The following NTN1 variants were observed in gnomAD, a reference collection of about 807,000 sequenced individuals.
NTN1 encodes the protein netrin 1, also known as netrin-1.
Under a neutral mutation model 54.2 loss-of-function variants are expected in NTN1, and 11 were observed. That is an observed-to-expected ratio of 0.20 (90% CI 0.13 to 0.34). The LOEUF is 0.34. Ranked by LOEUF, NTN1 falls within the 10% of genes least tolerant of loss-of-function variation. The pLI is 1.00. For missense variants in NTN1, 740 were observed against 893.1 expected (o/e 0.83, Z 2.18); for synonymous variants, 371 against 382.0 (o/e 0.97, Z 0.33).
At chr17:9,100,372 A>G (rs138257847) in intron 2 of NTN1, among the ~76,000 whole-genome samples, 1,658 of 152,008 alleles carry the variant, frequency 0.011, 32 homozygotes, top group African/African-American at 0.038. Context: ...ATCTCGGCTC[A>G]CTCCAAGCTC....
chr17:9,042,976 T>C (rs2091927473), intron 2 of NTN1, among the ~76,000 whole-genome samples: 1 of 152,234 alleles, frequency 6.6e-6, no homozygotes, highest in Non-Finnish European at 1.5e-5. Flanking sequence ...CTGAGCCCTG[T>C]GTCATTTTTG....
In NTN1 at chr17:9,061,673, T is replaced by TTTG. The variant is rs970860517; in HGVS notation, c.1018+38297_1018+38299dup. 8.1e-4 allele frequency among the ~76,000 whole-genome samples: 123 copies of TTTG among 151,780 alleles called. 1 individual carries two copies. Among genetic ancestry groups the TTTG allele is most frequent in the East Asian group, 3.9e-4 (2 of 5,190 alleles). On this transcript the variant is annotated intron_variant, in intron 2 of 6. Coordinates refer to ENST00000173229, the MANE Select transcript of NTN1 (RefSeq NM_004822.3). ...GCGATGGGCATCCAGGAGCAGTTTTTTTGTTGTTGTTGTTGTTTTTGTTTT... is the reference window on the plus strand; with the variant it reads ...GCGATGGGCATCCAGGAGCAGTTTTTTTGTTGTTGTTGTTGTTGTTTTTGTTTT...
rs368524445 is a variant in NTN1 at position 9,211,744 on chromosome 17, ATTC to A, written c.1412-9421_1412-9419del. ...CCAGTTTGCTAGGCAGAAGCGCTAT[ATTC>A]TTGTTGGTTTATGTTTTGTTTCTTT... On this transcript the variant is annotated intron_variant, in intron 5 of 6. Coordinates refer to ENST00000173229, the MANE Select transcript of NTN1 (RefSeq NM_004822.3). The surrounding 1 kb of genome is among the most constrained non-coding windows in gnomAD (Gnocchi z 4.4). Among the ~76,000 whole-genome samples the A allele has an allele frequency of 5.4e-3, 819 of 152,162 alleles. 8 individuals are homozygous for A. Among genetic ancestry groups the A allele is most frequent in the Middle Eastern group, 0.031 (9 of 294 alleles).
At chr17:9,186,246 G>C (rs946216382) in intron 5 of NTN1, among the ~76,000 whole-genome samples, 1 of 152,256 alleles carries the variant, frequency 6.6e-6, no homozygotes, top group Non-Finnish European at 1.5e-5. Flanking sequence ...GTGAAGTTGG[G>C]AGAGGTGCAT....
rs761317205 is a variant in NTN1, at chr17:9,243,655, A to G, written c.*3687A>G. 9 of 152,116 alleles carry G rather than the reference A, an allele frequency of 5.9e-5. No homozygotes were observed. Among genetic ancestry groups the G allele is most frequent in the Non-Finnish European group, 8.8e-5 (6 of 67,996 alleles). 9.4% of individuals were successfully genotyped at this position (152,116 alleles called of 1,614,324 possible). ...AAGCCAAACCAGTCCCACTCCTGTCATTGGACGTTTCTTCCCATTCCCTCC... is the reference window on the plus strand; with the variant it reads ...AAGCCAAACCAGTCCCACTCCTGTCGTTGGACGTTTCTTCCCATTCCCTCC... On this transcript the variant is annotated 3_prime_UTR_variant, in exon 7 of 7. Coordinates refer to ENST00000173229, the MANE Select transcript of NTN1 (RefSeq NM_004822.3).
intron 2 of NTN1, among the ~76,000 whole-genome samples, chr17:9,120,070 G>A (rs2142260644): frequency 6.6e-6 from 1 of 152,214 alleles, no homozygotes; most frequent in South Asian, 2.1e-4. Flanking sequence ...CACGAGGTCA[G>A]GAGTTCGAGA....
chr17:9,208,219 G>A (rs1018517471), intron 5 of NTN1, among the ~76,000 whole-genome samples: 5 of 152,158 alleles, frequency 3.3e-5, no homozygotes, highest in Non-Finnish European at 7.3e-5. Context: ...GCCACAGATC[G>A]ACACTCCATC....
At chr17:9,229,098 CTG>C (rs1905716559) in intron 6 of NTN1, among the ~76,000 whole-genome samples, 2 of 2,354 alleles carry the variant, frequency 8.5e-4, no homozygotes, top group South Asian at 0.016. Context: ...GTGACTGAGA[CTG>C]TGACTGTGAG....
At chr17:9,067,735 C>T (rs769052857) in intron 2 of NTN1, among the ~76,000 whole-genome samples, 9 of 152,256 alleles carry the variant, frequency 5.9e-5, no homozygotes, top group African/African-American at 2.2e-4. Flanking sequence ...AGGCCTGGAT[C>T]GGGAGTTAGT....
chr17:9,132,867 T>A (rs1282010081), intron 2 of NTN1, among the ~76,000 whole-genome samples: 1 of 152,048 alleles, frequency 6.6e-6, no homozygotes, highest in Non-Finnish European at 1.5e-5. Context: ...AGAGAGAAAC[T>A]CTGTTTCAAA....
At chr17:9,006,713 C>T in the NTN1 span, among the ~76,000 whole-genome samples, 5 of 152,348 alleles carry the variant, frequency 3.3e-5, no homozygotes, top group Middle Eastern at 6.8e-3. Context: ...TGGCCCTGGA[C>T]ACCAAGAAAT....
intron 5 of NTN1, chr17:9,183,382 C>G: frequency 6.2e-6 from 3 of 480,778 alleles, no homozygotes; most frequent in South Asian, 1.6e-5. Context: ...ATGCAGGGGG[C>G]CCAGGAGCTG....
At chr17:9,008,335 T>C in the NTN1 span, among the ~76,000 whole-genome samples, 1 of 152,104 alleles carries the variant, frequency 6.6e-6, no homozygotes, top group Non-Finnish European at 1.5e-5. Flanking sequence ...TTATTTATTT[T>C]TGAGATGGAG....
Position 9,221,261 on chromosome 17 carries a change from G to C in NTN1, c.1486+19G>C, listed in dbSNP as rs1324929052. ...GACTATGGTGAGTGAGAGTCCCCTT[G>C]TCTGGGGAGGATGGGAGGGGGCCAC... On this transcript the variant is annotated intron_variant, in intron 6 of 6. Coordinates refer to ENST00000173229, the MANE Select transcript of NTN1 (RefSeq NM_004822.3). This position sits in a 1 kb window ranked among gnomAD's most constrained non-coding sequence, Gnocchi z 4.5. 4 of 1,596,360 alleles carry C rather than the reference G, an allele frequency of 2.5e-6. No individual in the cohort carries two copies. Among genetic ancestry groups the C allele is most frequent in the Non-Finnish European group, 3.4e-6 (4 of 1,164,220 alleles).
At chr17:9,037,169 T>C (rs1364252024) in intron 2 of NTN1, among the ~76,000 whole-genome samples, 2 of 152,208 alleles carry the variant, frequency 1.3e-5, no homozygotes, top group Non-Finnish European at 2.9e-5. Context: ...ACAATAGATT[T>C]AATTTGCCTA....
intron 2 of NTN1, among the ~76,000 whole-genome samples, chr17:9,134,025 C>T (rs1056352081): frequency 6.6e-6 from 1 of 151,260 alleles, no homozygotes; most frequent in African/African-American, 2.4e-5. Flanking sequence ...CTGCCTCAGC[C>T]TCCCAAGTAG....
At chr17:9,160,213 C>T (rs2092353357) in intron 2 of NTN1, among the ~76,000 whole-genome samples, 1 of 152,148 alleles carries the variant, frequency 6.6e-6, no homozygotes, top group Non-Finnish European at 1.5e-5. Flanking sequence ...AAGAGATTCT[C>T]CTGCCTCAGC....
At chr17:9,100,522 C>T (rs1301525010) in intron 2 of NTN1, among the ~76,000 whole-genome samples, 5 of 151,616 alleles carry the variant, frequency 3.3e-5, no homozygotes, top group South Asian at 2.1e-4. Context: ...AGGATGGTCT[C>T]GATCGCTTGA....
rs1325721598 is a variant in NTN1, at chr17:9,184,843, A to C, written c.1411+1874A>C. ...ATAGGCTACAAGAAGCTGGTATAAA[A>C]CTTCCGAGGTTCTTGGCTCCGCCAG... is the stretch of plus-strand genomic sequence containing the variant. On this transcript the variant is annotated intron_variant, in intron 5 of 6. Coordinates refer to ENST00000173229, the MANE Select transcript of NTN1 (RefSeq NM_004822.3). Among the ~76,000 whole-genome samples the C allele has an allele frequency of 2.0e-5, 3 of 152,298 alleles. No individual in the cohort carries two copies. In the East Asian group the frequency reaches 5.8e-4, roughly 29 times the overall value.
Sources: gnomAD v4.1 joint callset for allele counts (sites outside exome capture counted in the v4.1 genomes callset) on GRCh38, gnomAD v4.1.1 for gene constraint, Gnocchi (gnomAD v3.1) non-coding constraint, MANE v1.5 for transcripts, NCBI Gene and HGNC (gene_info 2026-07-23, HGNC 2026-07-21) for gene names.